ARID3B: variants seen among roughly 807,000 people sequenced by gnomAD.
ARID3B encodes the protein AT-rich interaction domain 3B, also known as AT-rich interactive domain-containing protein 3B.
In ARID3B, 10 loss-of-function variants were observed where a neutral mutation model predicts 51.9. The observed-to-expected ratio is 0.19, with a 90% CI of 0.12 to 0.33. ARID3B has a LOEUF of 0.33. Among genes scored for constraint, ARID3B ranks in the 10% least tolerant of loss-of-function variants. ARID3B has a pLI of 1.00. For synonymous variants in ARID3B, 205 were observed against 279.5 expected, an observed-to-expected ratio of 0.73 and a Z score of 2.66; for missense variants, 483 against 716.3, an observed-to-expected ratio of 0.67 and a Z score of 3.72.
At chr15:74,579,853 G>A (rs1280815710) in intron 4 of ARID3B, among the ~76,000 whole-genome samples, 1 of 146,148 alleles carries the variant, frequency 6.8e-6, no homozygotes, top group Non-Finnish European at 1.5e-5. Flanking sequence ...GTGTGTGTGT[G>A]TGTGTGTGTG....
intron 2 of ARID3B, among the ~76,000 whole-genome samples, chr15:74,560,457 ATTG>A (rs1259905152): frequency 6.6e-6 from 1 of 152,054 alleles, no homozygotes; most frequent in Non-Finnish European, 1.5e-5. Context: ...TGTTCTACAT[ATTG>A]TTCTACCACT....
At chr15:74,573,061 A>G in intron 3 of ARID3B, 71 bp from the exon 4 acceptor site, 2 of 1,590,068 alleles carry the variant, frequency 1.3e-6, no homozygotes, top group Non-Finnish European at 1.7e-6. Context: ...TGGTCATAGT[A>G]TATCTGGTAT....
chr15:74,589,962 G>T lies in ARID3B; in HGVS notation c.840G>T (p.Leu280=). Residue 280 remains leucine, a synonymous_variant, in exon 5 of 9, where the codon CTG becomes CTT. Coordinates refer to ENST00000346246, the MANE Select transcript of ARID3B (RefSeq NM_006465.4). ...GGGAGATCACCAAAGGCCTAAACCT[G>T]CCCACATCCATCACCAGCGCCGCCT... ...IWREITKGLN[L]PTSITSAAFT... The T allele has an allele frequency of 1.2e-6, 2 of 1,613,844 alleles. No homozygotes were observed. The highest frequency in any genetic ancestry group is 1.7e-6 in the Non-Finnish European group (2 of 1,179,856).
At chr15:74,594,571 G>A (rs2061817050) in intron 8 of ARID3B, among the ~76,000 whole-genome samples, 1 of 152,256 alleles carries the variant, frequency 6.6e-6, no homozygotes, top group Admixed American at 6.5e-5. Context: ...GTGTCTCGTG[G>A]AGACAGGCGA....
At chr15:74,575,723 C>A (rs1292901071) in intron 4 of ARID3B, among the ~76,000 whole-genome samples, 3 of 152,164 alleles carry the variant, frequency 2.0e-5, no homozygotes, top group African/African-American at 7.2e-5. Context: ...CTGAGTAAAT[C>A]TTTGTCCTGT....
At chr15:74,575,104 C>CTCCCCT (rs2061733037) in intron 4 of ARID3B, 1 of 151,934 alleles carries the variant, frequency 6.6e-6, no homozygotes, top group South Asian at 2.1e-4. Flanking sequence ...ATACTTTGGT[C>CTCCCCT]TCCCCTTCCA....
Position 74,591,385 on chromosome 15 carries a change from T to G in ARID3B, c.1116T>G (p.Gly372=), listed in dbSNP as rs200028946. The change falls in exon 6 of 9, where the codon GGT becomes GGG. Residue 372 remains glycine, a synonymous_variant. Transcript: ENST00000346246. This position sits in a 1 kb window ranked among gnomAD's most constrained non-coding sequence, Gnocchi z 5.8. ...TCCTTGGGCTTGGCTCCAGCAGTGGTACCAATACCAGTAGCCCTCGGATAT... is the reference window on the plus strand; with the variant it reads ...TCCTTGGGCTTGGCTCCAGCAGTGGGACCAATACCAGTAGCCCTCGGATAT... ...FPILGLGSSS[G]TNTSSPRISP... 3 of 1,612,794 alleles carry G rather than the reference T, an allele frequency of 1.9e-6. No individual in the cohort carries two copies. The Admixed American group carries it at 5.0e-5, about 27-fold the overall frequency.
chr15:74,556,776 G>GTTTTTTTT (rs1283802329), intron 2 of ARID3B, among the ~76,000 whole-genome samples: 43 of 122,518 alleles, frequency 3.5e-4, no homozygotes, highest in South Asian at 5.3e-4. Flanking sequence ...TTTGTTTTTT[G>GTTTTTTTT]TTTTTTTTTT....
rs1224758261 is a variant in ARID3B at position 74,597,354 on chromosome 15, G to C, written c.*1580G>C. ...GGGAGACACCGCGCGTGGCGTGGGTGTGTGTGGCAGCGTGGCTCGCATTCA... is the reference window on the plus strand; with the variant it reads ...GGGAGACACCGCGCGTGGCGTGGGTCTGTGTGGCAGCGTGGCTCGCATTCA... On this transcript the variant is annotated 3_prime_UTR_variant, in exon 9 of 9. Transcript: ENST00000346246. 3 of 424,786 alleles carry C rather than the reference G, an allele frequency of 7.1e-6. No individual in the cohort carries two copies. Among genetic ancestry groups the C allele is most frequent in the Non-Finnish European group, 1.3e-5 (3 of 225,004 alleles). 26.3% of individuals were successfully genotyped at this position (424,786 alleles called of 1,614,324 possible). A position where few individuals can be genotyped will look rare whatever the true frequency, so the allele number is the denominator to read the frequency against.
rs991496320 is a variant in ARID3B, at chr15:74,598,057, A to C, written c.*2283A>C. 19 of 526,842 alleles carry C rather than the reference A, an allele frequency of 3.6e-5. No individual in the cohort carries two copies. The highest frequency in any genetic ancestry group is 6.3e-5 in the Non-Finnish European group (17 of 270,154). 32.6% of individuals were successfully genotyped at this position (526,842 alleles called of 1,614,324 possible). A position where few individuals can be genotyped will look rare whatever the true frequency, so the allele number is the denominator to read the frequency against. On this transcript the variant is annotated 3_prime_UTR_variant, in exon 9 of 9. Transcript: ENST00000346246. ...AGATGTCCTCCTGCAGCAAGTGTCT[A>C]TATGTTGTGGTTATTTTCTATCTTA...
chr15:74,560,521 A>G (rs572628846), intron 2 of ARID3B, among the ~76,000 whole-genome samples: 13 of 152,260 alleles, frequency 8.5e-5, no homozygotes, highest in Admixed American at 3.3e-4. Flanking sequence ...ATGAAGATCT[A>G]TTTTTCGTGT....
intron 2 of ARID3B, among the ~76,000 whole-genome samples, chr15:74,565,751 T>A (rs2061695895): frequency 2.0e-5 from 3 of 151,172 alleles, no homozygotes; most frequent in African/African-American, 2.4e-5. Flanking sequence ...TTTTTTTTAA[T>A]CCCAGTAAAA....
chr15:74,547,579 A>G (rs940507636), intron 2 of ARID3B, among the ~76,000 whole-genome samples: 6 of 152,208 alleles, frequency 3.9e-5, no homozygotes, highest in African/African-American at 1.4e-4. Flanking sequence ...CCTGTGCTGT[A>G]TGAAACAAGG....
At chr15:74,565,743 T>G (rs1044328005) in intron 2 of ARID3B, among the ~76,000 whole-genome samples, 20 of 151,966 alleles carry the variant, frequency 1.3e-4, no homozygotes, top group Non-Finnish European at 1.6e-4. Context: ...TGTTTTTTTT[T>G]TTTTTAATCC....
chr15:74,543,792 CT>C lies in ARID3B; in HGVS notation c.-77-63del, dbSNP rs2061603270. 3 of 1,116,526 alleles carry C rather than the reference CT, an allele frequency of 2.7e-6. 1 individual carries two copies. The East Asian group carries it at 7.2e-5, about 27-fold the overall frequency. The allele number at this position is 1,116,526 out of a possible 1,614,324, so 69.2% of individuals were successfully genotyped here. On this transcript the variant is annotated intron_variant, in intron 1 of 8. Coordinates refer to ENST00000346246, the MANE Select transcript of ARID3B (RefSeq NM_006465.4). ...GGCCCTCTACTGGAGAAAAGGAAAC[CT>C]TTTTATACCTGCTTAACATGGTTGT...
chr15:74,595,682 G>T lies in ARID3B; in HGVS notation c.1591G>T (p.Ala531Ser). Residue 531 changes from alanine to serine, a missense_variant, in exon 9 of 9, where the codon GCC becomes TCC. Around this residue, in one of 3 missense-constraint regions of ARID3B, gnomAD observed 265 missense variants for 354.4 expected, o/e 0.75. Transcript: ENST00000346246. ...GSAPQSLGSS[A>S]SSSSSSHCSP... ...TGCTCCCCAGAGCCTCGGCAGCAGC[G>T]CCAGCAGCAGCAGCAGCTCTCACTG... 1 of 1,613,214 alleles carries T rather than the reference G, an allele frequency of 6.2e-7. No individual in the cohort carries two copies. The highest frequency in any genetic ancestry group is 1.1e-5 in the South Asian group (1 of 91,034).
intron 4 of ARID3B, among the ~76,000 whole-genome samples, chr15:74,589,334 GCA>G (rs905721232): frequency 6.6e-6 from 1 of 152,056 alleles, no homozygotes; most frequent in African/African-American, 2.4e-5. Flanking sequence ...CAGCCAGCGA[GCA>G]CACTCTTATA....
intron 7 of ARID3B, among the ~76,000 whole-genome samples, chr15:74,592,375 C>T (rs1034854025): frequency 5.3e-5 from 8 of 152,238 alleles, no homozygotes; most frequent in Non-Finnish European, 1.5e-5. Context: ...CCCATTCACA[C>T]ACATTCTTTC....
intron 4 of ARID3B, among the ~76,000 whole-genome samples, chr15:74,575,848 A>T (rs1395756896): frequency 6.6e-6 from 1 of 152,120 alleles, no homozygotes; most frequent in African/African-American, 2.4e-5. Flanking sequence ...AGCACTGTTG[A>T]CTTTGGGATG....
Sources: gnomAD v4.1 joint callset for allele counts (sites outside exome capture counted in the v4.1 genomes callset) on GRCh38, gnomAD v4.1.1 for gene constraint, gnomAD v4.1.1 regional missense constraint, Gnocchi (gnomAD v3.1) non-coding constraint, MANE v1.5 for transcripts, NCBI Gene and HGNC (gene_info 2026-07-23, HGNC 2026-07-21) for gene names.